RBFOX1: variants seen among roughly 807,000 people sequenced by gnomAD.
The protein encoded by RBFOX1 is RNA binding protein fox-1 homolog 1.
A neutral mutation model predicts 57.7 loss-of-function variants in RBFOX1; 8 were observed. The ratio of observed to expected loss-of-function variants is 0.14; its 90% CI spans 0.08 to 0.25. RBFOX1 has a LOEUF of 0.25. Ranked by LOEUF, RBFOX1 falls within the 10% of genes least tolerant of loss-of-function variation. The pLI is 1.00. For synonymous variants in RBFOX1, 326 were observed against 222.4 expected (o/e 1.47, Z -4.15); for missense variants, 611 against 548.5 (o/e 1.11, Z -1.14).
chr16:6,975,896 G>T lies in RBFOX1; in HGVS notation c.-15-76161G>T, dbSNP rs1427666974. ...AATCGCAGCACTTTGGGAGGCTGAG[G>T]TAGGTGGTCACTTGAGGTCAGGAGT... On this transcript the variant is annotated intron_variant, in intron 3 of 15. Transcript: ENST00000550418. 2.0e-5 allele frequency among the ~76,000 whole-genome samples: 3 copies of T among 152,124 alleles called. 1 individual carries two copies. The South Asian group carries it at 6.2e-4, about 32-fold the overall frequency.
chr16:6,059,130 G>A (rs2095653299), intron 1 of RBFOX1: 1 of 152,168 alleles, frequency 6.6e-6, no homozygotes, highest in South Asian at 2.1e-4. Context: ...GTTAGGTTTG[G>A]CAGAAAGGAA....
chr16:5,896,718 C>T (rs1476466764), intron 4 of RBFOX1, among the ~76,000 whole-genome samples: 2 of 152,106 alleles, frequency 1.3e-5, no homozygotes, highest in Admixed American at 6.6e-5. Context: ...GGAGAATAGG[C>T]ATAGCTCTTC....
chr16:5,367,125 T>C (rs1177727326), intron 1 of RBFOX1, among the ~76,000 whole-genome samples: 1 of 152,154 alleles, frequency 6.6e-6, no homozygotes, highest in Non-Finnish European at 1.5e-5. Context: ...TGAAAACAAC[T>C]TAAATTTTTA....
chr16:6,463,818 A>G (rs947782114), intron 2 of RBFOX1, among the ~76,000 whole-genome samples: 1 of 152,158 alleles, frequency 6.6e-6, no homozygotes, highest in Non-Finnish European at 1.5e-5. Context: ...ATCACTAAAC[A>G]ATCCCCACTG....
At chr16:6,143,410 A>G (rs2096733739) in intron 1 of RBFOX1, among the ~76,000 whole-genome samples, 1 of 152,202 alleles carries the variant, frequency 6.6e-6, no homozygotes, top group South Asian at 2.1e-4. Context: ...TATTTCATCA[A>G]ATCACAATGC....
At chr16:5,285,555 GT>G (rs1346905249) in intron 1 of RBFOX1, among the ~76,000 whole-genome samples, 1 of 152,096 alleles carries the variant, frequency 6.6e-6, no homozygotes, top group African/African-American at 2.4e-5. Context: ...GTGACTATCT[GT>G]GCCTCTGACA....
Position 5,809,436 on chromosome 16 carries a change from C to CTAATATGG in RBFOX1, c.319-57861_319-57860insGGTAATAT, listed in dbSNP as rs925054198. Among the ~76,000 whole-genome samples, 7 of 151,936 alleles carry CTAATATGG rather than the reference C, an allele frequency of 4.6e-5. No individual in the cohort carries two copies. The South Asian group carries it at 1.3e-3, about 27-fold the overall frequency. ...CGCAACCTACTCATCTGACAAAGGG[C>CTAATATGG]TAATATCCAGAATCTAAAATGAACT... On this transcript the variant is annotated intron_variant, in intron 3 of 19. Transcript: ENST00000641259.
At chr16:5,656,933 G>C (rs1182811243) in intron 3 of RBFOX1, among the ~76,000 whole-genome samples, 1 of 152,138 alleles carries the variant, frequency 6.6e-6, no homozygotes, top group African/African-American at 2.4e-5. Flanking sequence ...GACCTGTCAG[G>C]GGGTGGGGAG....
intron 5 of RBFOX1, among the ~76,000 whole-genome samples, chr16:7,540,059 AT>A (rs945237887): frequency 2.6e-5 from 4 of 152,152 alleles, no homozygotes; most frequent in Non-Finnish European, 5.9e-5. Context: ...TATTATTATC[AT>A]GTATGTCATT....
chr16:7,348,170 C>G (rs1003497885), intron 4 of RBFOX1, among the ~76,000 whole-genome samples: 3 of 152,138 alleles, frequency 2.0e-5, no homozygotes, highest in African/African-American at 4.8e-5. Context: ...AAAGCACAAA[C>G]AAACATACAG....
At chr16:6,946,131 C>T (rs1432922342) in intron 3 of RBFOX1, among the ~76,000 whole-genome samples, 1 of 152,202 alleles carries the variant, frequency 6.6e-6, no homozygotes, top group Admixed American at 6.5e-5. Flanking sequence ...GTTTTCCTTG[C>T]TTCTCAAGTG....
chr16:6,886,574 G>A (rs1476396003), intron 3 of RBFOX1, among the ~76,000 whole-genome samples: 1 of 151,820 alleles, frequency 6.6e-6, no homozygotes, highest in Non-Finnish European at 1.5e-5. Context: ...TCTACATGGT[G>A]AAACCATGTC....
intron 3 of RBFOX1, among the ~76,000 whole-genome samples, chr16:6,662,279 T>A (rs573602072): frequency 2.0e-5 from 3 of 151,820 alleles, no homozygotes; most frequent in African/African-American, 7.2e-5. Context: ...AGATCTCAAC[T>A]GTTCTCACAC....
intron 4 of RBFOX1, among the ~76,000 whole-genome samples, chr16:7,319,771 C>G (rs1422638893): frequency 6.6e-6 from 1 of 152,088 alleles, no homozygotes; most frequent in East Asian, 1.9e-4. Flanking sequence ...TGGGATCGGG[C>G]AGGTGTGGCT....
chr16:5,912,346 A>G (rs980686441), intron 4 of RBFOX1, among the ~76,000 whole-genome samples: 1 of 152,164 alleles, frequency 6.6e-6, no homozygotes, highest in African/African-American at 2.4e-5. Context: ...TTTGTGTCCC[A>G]TTGATGCCTG....
intron 4 of RBFOX1, among the ~76,000 whole-genome samples, chr16:7,452,892 G>A (rs1205398616): frequency 4.6e-5 from 7 of 152,128 alleles, no homozygotes; most frequent in Admixed American, 4.6e-4. Flanking sequence ...ATTTTGGGAG[G>A]TCGTGGTGGG....
chr16:7,566,156 A>T (rs1426568343), intron 5 of RBFOX1, among the ~76,000 whole-genome samples: 2 of 152,182 alleles, frequency 1.3e-5, no homozygotes, highest in Non-Finnish European at 2.9e-5. Flanking sequence ...TAGAGTGTTT[A>T]TCCATAGGAT....
At chr16:6,722,937 C>A (rs1313925183) in intron 3 of RBFOX1, among the ~76,000 whole-genome samples, 1 of 152,142 alleles carries the variant, frequency 6.6e-6, no homozygotes, top group Non-Finnish European at 1.5e-5. Context: ...CTAGGGGGCC[C>A]TCTGCTTCTA....
At chr16:7,106,976 A>G (rs1257313972) in intron 4 of RBFOX1, among the ~76,000 whole-genome samples, 1 of 73,722 alleles carries the variant, frequency 1.4e-5, no homozygotes, top group African/African-American at 5.2e-5. Flanking sequence ...TGTAAGCCAC[A>G]CAGTTAAAAC....
Sources: gnomAD v4.1 joint callset for allele counts (sites outside exome capture counted in the v4.1 genomes callset) on GRCh38, gnomAD v4.1.1 for gene constraint, MANE v1.5 for transcripts, NCBI Gene and HGNC (gene_info 2026-07-23, HGNC 2026-07-21) for gene names.